Variants in CCDC12 observed in about 807,000 individuals in gnomAD.
The protein encoded by CCDC12 is coiled-coil domain containing 12.
A neutral mutation model predicts 25.7 loss-of-function variants in CCDC12; 28 were observed. The observed-to-expected ratio is 1.09, with a 90% CI of 0.81 to 1.50. The LOEUF is 1.50. Ranked by LOEUF, CCDC12 falls within the 40% of genes most tolerant of loss-of-function variation. CCDC12 has a pLI of 0.00. For synonymous variants in CCDC12, 75 were observed against 87.7 expected, an observed-to-expected ratio of 0.86 and a Z score of 0.81; for missense variants, 198 against 210.0, an observed-to-expected ratio of 0.94 and a Z score of 0.35.
At chr3:46,930,122 G>A (rs2033148782) in intron 2 of CCDC12, among the ~76,000 whole-genome samples, 1 of 150,026 alleles carries the variant, frequency 6.7e-6, no homozygotes, top group Admixed American at 6.6e-5. Context: ...CAATCCTCCT[G>A]TCTCAGCCTC....
In CCDC12 at chr3:46,923,366, GGGAA is replaced by G; in HGVS notation, c.307-7_307-4del. 3 of 1,494,400 alleles carry G rather than the reference GGGAA, an allele frequency of 2.0e-6. No homozygotes were observed. Among genetic ancestry groups the G allele is most frequent in the Non-Finnish European group, 2.7e-6 (3 of 1,119,296 alleles). 92.6% of individuals were successfully genotyped at this position (1,494,400 alleles called of 1,614,324 possible). On this transcript the variant is annotated splice_polypyrimidine_tract_variant and splice_region_variant and intron_variant, in intron 4 of 6. Coordinates refer to ENST00000683445, the MANE Select transcript of CCDC12 (RefSeq NM_001277074.2). ...CGAGGAGCGAGGTTGGCCAGGTCCTGGGAAGGGAGGAGACACACATCAGGGTGGA... is the reference window on the plus strand; with the variant it reads ...CGAGGAGCGAGGTTGGCCAGGTCCTGGGGAGGAGACACACATCAGGGTGGA...
chr3:46,943,947 A>G (rs2033810501), intron 1 of CCDC12, among the ~76,000 whole-genome samples: 2 of 152,192 alleles, frequency 1.3e-5, no homozygotes, highest in South Asian at 4.1e-4. Context: ...CCTGACAAAG[A>G]GTGATTCATA....
At chr3:46,963,439 C>T (rs1447996663) in intron 1 of CCDC12, among the ~76,000 whole-genome samples, 2 of 129,252 alleles carry the variant, frequency 1.5e-5, no homozygotes, top group Non-Finnish European at 3.0e-5. Flanking sequence ...CCTCTCCTCA[C>T]GGTCTCCCTC....
intron 5 of CCDC12, 44 bp from the exon 6 acceptor site, chr3:46,922,356 C>T (rs761148323): frequency 6.2e-7 from 1 of 1,609,202 alleles, no homozygotes. Context: ...GAAGGCTGGC[C>T]TGATGTGGCA....
At position 46,922,024 on chromosome 3, in the gene CCDC12, GC is replaced by G. The variant is rs1210260752; in HGVS notation, c.*32del. On this transcript the variant is annotated 3_prime_UTR_variant, in exon 7 of 7. Coordinates refer to ENST00000683445, the MANE Select transcript of CCDC12 (RefSeq NM_001277074.2). ...CCCAAGACCATCCTCTGCAGGACAG[GC>G]CTGATGGGCGAGTGGTGGGGCAGGG... The G allele has an allele frequency of 3.7e-6, 6 of 1,609,150 alleles. No individual in the cohort carries two copies. Among genetic ancestry groups the G allele is most frequent in the Non-Finnish European group, 5.1e-6 (6 of 1,176,704 alleles).
chr3:46,952,438 C>T (rs970179467), intron 1 of CCDC12, among the ~76,000 whole-genome samples: 1 of 152,216 alleles, frequency 6.6e-6, no homozygotes, highest in African/African-American at 2.4e-5. Context: ...GCCACATCCT[C>T]AGTTCTTTCT....
chr3:46,922,439 G>T, intron 5 of CCDC12, 127 bp from the exon 6 acceptor site: 1 of 974,282 alleles, frequency 1.0e-6, no homozygotes, highest in Non-Finnish European at 1.6e-6. Context: ...GCTGCCCTGG[G>T]GAAGAGGCCA....
intron 2 of CCDC12, chr3:46,940,634 G>A (rs945768094): frequency 2.1e-5 from 5 of 243,342 alleles, no homozygotes; most frequent in Non-Finnish European, 4.0e-5. Flanking sequence ...GTTGGATGAG[G>A]CTAGATGGTC....
intron 3 of CCDC12, among the ~76,000 whole-genome samples, chr3:46,924,709 G>T (rs927389973): frequency 1.3e-5 from 2 of 152,044 alleles, no homozygotes; most frequent in Non-Finnish European, 1.5e-5. Context: ...TTAGCCAGGC[G>T]CAGTGGCACA....
At chr3:46,953,697 G>A (rs10461017) in intron 1 of CCDC12, among the ~76,000 whole-genome samples, 144,416 of 151,930 alleles carry the variant, frequency 0.95, 69,093 homozygotes, top group East Asian at 1. Flanking sequence ...AAGAGGACAG[G>A]TTGAGCCTGC....
In CCDC12 at chr3:46,944,975, A is replaced by G. The variant is rs559603073; in HGVS notation, c.97-3910T>C. 1.3e-4 allele frequency among the ~76,000 whole-genome samples: 20 copies of G among 152,314 alleles called. 1 individual carries two copies. In the South Asian group the frequency reaches 2.7e-3, roughly 21 times the overall value. On this transcript the variant is annotated intron_variant, in intron 1 of 6. Coordinates refer to ENST00000683445, the MANE Select transcript of CCDC12 (RefSeq NM_001277074.2). ...GAAATATCTACTCTGATAACCCCCA[A>G]GAAAACACACCATCTGGCCAGTCCT... is the stretch of plus-strand genomic sequence containing the variant.
intron 1 of CCDC12, among the ~76,000 whole-genome samples, chr3:46,945,613 T>G (rs1487486213): frequency 1.3e-5 from 2 of 152,276 alleles, no homozygotes; most frequent in African/African-American, 4.8e-5. Flanking sequence ...TTGGTATTGT[T>G]TCTTCCTTAA....
intron 1 of CCDC12, among the ~76,000 whole-genome samples, chr3:46,971,475 A>C (rs1280659482): frequency 6.6e-6 from 1 of 152,236 alleles, no homozygotes; most frequent in Non-Finnish European, 1.5e-5. Flanking sequence ...AATAAGTGGC[A>C]TCAGGTGGGC....
chr3:46,972,127 A>G (rs1259970659), intron 1 of CCDC12, among the ~76,000 whole-genome samples: 2 of 152,238 alleles, frequency 1.3e-5, no homozygotes, highest in Admixed American at 6.5e-5. Flanking sequence ...AACAAAATCA[A>G]AAACAGATAA....
chr3:46,950,887 G>A (rs1314726445), intron 1 of CCDC12, among the ~76,000 whole-genome samples: 1 of 152,228 alleles, frequency 6.6e-6, no homozygotes, highest in Non-Finnish European at 1.5e-5. Flanking sequence ...TATGCTAAGC[G>A]AAATAAGCCA....
intron 2 of CCDC12, among the ~76,000 whole-genome samples, chr3:46,930,604 C>T (rs2033166359): frequency 6.6e-6 from 1 of 152,236 alleles, no homozygotes; most frequent in African/African-American, 2.4e-5. Flanking sequence ...GGAGCAGACA[C>T]ATCAGCCACC....
At chr3:46,924,506 A>G (rs2032849380) in intron 3 of CCDC12, among the ~76,000 whole-genome samples, 1 of 152,256 alleles carries the variant, frequency 6.6e-6, no homozygotes, top group Non-Finnish European at 1.5e-5. Context: ...ACTTTTTCCC[A>G]AGATAAATGT....
chr3:46,957,935 T>G (rs892090032), intron 1 of CCDC12, among the ~76,000 whole-genome samples: 2 of 131,454 alleles, frequency 1.5e-5, no homozygotes, highest in Non-Finnish European at 3.3e-5. Flanking sequence ...AGAGCGAGAC[T>G]CCATCTCAAA....
chr3:46,973,620 T>C (rs888379216), intron 1 of CCDC12, among the ~76,000 whole-genome samples: 45 of 146,998 alleles, frequency 3.1e-4, no homozygotes, highest in African/African-American at 1.0e-3. Context: ...TTTCTTTTTT[T>C]TTTTTTTTTT....
Sources: gnomAD v4.1 joint callset for allele counts (sites outside exome capture counted in the v4.1 genomes callset) on GRCh38, gnomAD v4.1.1 for gene constraint, MANE v1.5 for transcripts, NCBI Gene and HGNC (gene_info 2026-07-23, HGNC 2026-07-21) for gene names.